Variants in LRFN2 observed in about 807,000 individuals in gnomAD.
LRFN2 encodes leucine rich repeat and fibronectin type III domain containing 2, also known as leucine-rich repeat and fibronectin type-III domain-containing protein 2.
LRFN2 carries 18 observed loss-of-function variants against 37.3 expected under a neutral mutation model. That is an observed-to-expected ratio of 0.48 (90% CI 0.33 to 0.72). The LOEUF is 0.72. LRFN2 is among the 30% of genes least tolerant of loss of function. LRFN2 has a pLI of 0.02. For missense variants in LRFN2, 1,006 were observed against 1,060.7 expected, an observed-to-expected ratio of 0.95 and a Z score of 0.72; for synonymous variants, 556 against 466.6, an observed-to-expected ratio of 1.19 and a Z score of -2.47.
At chr6:40,452,896 G>A (rs989342467) in intron 1 of LRFN2, among the ~76,000 whole-genome samples, 1 of 152,202 alleles carries the variant, frequency 6.6e-6, no homozygotes, top group Admixed American at 6.5e-5. Flanking sequence ...ATATACACAA[G>A]GAACCTTAGA....
At chr6:40,584,748 G>A (rs1428288757) in intron 1 of LRFN2, among the ~76,000 whole-genome samples, 1 of 151,854 alleles carries the variant, frequency 6.6e-6, no homozygotes, top group African/African-American at 2.4e-5. Context: ...AAAAAGGAGA[G>A]CAGAACCTGC....
rs1554144906 is a variant in LRFN2, at chr6:40,562,831, T to TCTCACACA, written c.-19+24109_-19+24110insTGTGTGAG. Among the ~76,000 whole-genome samples, 185 of 144,148 alleles carry TCTCACACA rather than the reference T, an allele frequency of 1.3e-3. 1 individual carries two copies. The highest frequency in any genetic ancestry group is 4.5e-3 in the African/African-American group (171 of 37,642). The allele number at this position is 144,148 out of a possible 152,430, so 94.6% of individuals were successfully genotyped here. ...TGTGAGCGTGCTTATGTGCGTGCACTCACTCACACACACACACACACACAC... is the reference window on the plus strand; with the variant it reads ...TGTGAGCGTGCTTATGTGCGTGCACTCTCACACACACTCACACACACACACACACACAC... On this transcript the variant is annotated intron_variant, in intron 1 of 2. Transcript: ENST00000338305.
chr6:40,571,190 G>A, intron 1 of LRFN2, among the ~76,000 whole-genome samples: 1 of 152,218 alleles, frequency 6.6e-6, no homozygotes, highest in East Asian at 1.9e-4. Context: ...CTTGAAGGCA[G>A]AAACTAAGTC....
chr6:40,511,201 A>G (rs1765700189), intron 1 of LRFN2, among the ~76,000 whole-genome samples: 1 of 152,170 alleles, frequency 6.6e-6, no homozygotes. Flanking sequence ...TGGGTCACCT[A>G]CTGAGGAACT....
chr6:40,418,941 C>G (rs1347673902), intron 2 of LRFN2, among the ~76,000 whole-genome samples: 1 of 152,190 alleles, frequency 6.6e-6, no homozygotes, highest in Non-Finnish European at 1.5e-5. Context: ...CAGTGATTCT[C>G]AAAGTAAAGT....
chr6:40,559,660 C>G (rs561429974), intron 1 of LRFN2, among the ~76,000 whole-genome samples: 2 of 152,230 alleles, frequency 1.3e-5, no homozygotes, highest in South Asian at 4.2e-4. Flanking sequence ...TGGCTAGGAC[C>G]AGAGTCCCTA....
intron 1 of LRFN2, among the ~76,000 whole-genome samples, chr6:40,516,099 T>G (rs1170696137): frequency 2.0e-5 from 3 of 151,996 alleles, no homozygotes; most frequent in Non-Finnish European, 4.4e-5. Flanking sequence ...CATCCATTTG[T>G]GTTTTCTGGG....
At chr6:40,573,041 AGGACT>A (rs1767214656) in intron 1 of LRFN2, among the ~76,000 whole-genome samples, 1 of 152,212 alleles carries the variant, frequency 6.6e-6, no homozygotes, top group South Asian at 2.1e-4. Flanking sequence ...AGAACTGAAA[AGGACT>A]GGAGGCATCC....
chr6:40,442,185 T>C (rs575299353), intron 1 of LRFN2, among the ~76,000 whole-genome samples: 96 of 152,292 alleles, frequency 6.3e-4, no homozygotes, highest in Admixed American at 1.8e-3. Flanking sequence ...CAGGGTCTTC[T>C]CTAGGAAGGG....
At chr6:40,479,942 C>T (rs1206222618) in intron 1 of LRFN2, among the ~76,000 whole-genome samples, 1 of 152,242 alleles carries the variant, frequency 6.6e-6, no homozygotes, top group Non-Finnish European at 1.5e-5. Flanking sequence ...CTAAGGCCTA[C>T]TTCTAGGAAA....
chr6:40,463,807 G>GCTGAGACTACAGGCATGCACCACCGTGCC (rs1764400001), intron 1 of LRFN2, among the ~76,000 whole-genome samples: 2 of 150,614 alleles, frequency 1.3e-5, no homozygotes, highest in Admixed American at 1.3e-4. Context: ...TTCACAAGTA[G>GCTGAGACTACAGGCATGCACCACCGTGCC]CTGAGACTAC....
intron 2 of LRFN2, among the ~76,000 whole-genome samples, chr6:40,409,072 C>T (rs911175195): frequency 2.6e-5 from 4 of 152,210 alleles, no homozygotes; most frequent in Non-Finnish European, 5.9e-5. Flanking sequence ...CTTCTTCATC[C>T]TATCATCCAG....
chr6:40,550,965 A>T (rs1343522167), intron 1 of LRFN2, among the ~76,000 whole-genome samples: 1 of 152,208 alleles, frequency 6.6e-6, no homozygotes, highest in Non-Finnish European at 1.5e-5. Context: ...TTGGCAGCCA[A>T]AGAGGTGGAC....
At chr6:40,495,013 C>T (rs1027557139) in intron 1 of LRFN2, among the ~76,000 whole-genome samples, 4 of 152,214 alleles carry the variant, frequency 2.6e-5, no homozygotes, top group Middle Eastern at 3.2e-3. Context: ...TGCTTGGCAC[C>T]TGCATCCATC....
chr6:40,477,753 G>A lies in LRFN2; in HGVS notation c.-18-44622C>T, dbSNP rs541275344. Among the ~76,000 whole-genome samples, 6 of 152,260 alleles carry A rather than the reference G, an allele frequency of 3.9e-5. No homozygotes were observed. The South Asian group carries it at 1.2e-3, about 32-fold the overall frequency. ...GGAAAGAGACCCCAGCTGGAAGCGC[G>A]TTCTCCCCTCCCTGCTCCTTCCAGA... is the stretch of plus-strand genomic sequence containing the variant. On this transcript the variant is annotated intron_variant, in intron 1 of 2. Transcript: ENST00000338305.
intron 1 of LRFN2, among the ~76,000 whole-genome samples, chr6:40,510,955 T>C (rs1765689639): frequency 6.6e-6 from 1 of 152,152 alleles, no homozygotes. Flanking sequence ...AGCCAGAATG[T>C]GCTCAGAAAT....
intron 1 of LRFN2, among the ~76,000 whole-genome samples, chr6:40,435,138 TTA>T (rs1207663402): frequency 1.7e-5 from 2 of 116,852 alleles, no homozygotes; most frequent in African/African-American, 3.4e-5. Context: ...ATTATGTATT[TTA>T]TATATATATA....
intron 1 of LRFN2, among the ~76,000 whole-genome samples, chr6:40,552,099 G>T (rs182815642): frequency 6.6e-6 from 1 of 152,120 alleles, no homozygotes; most frequent in Non-Finnish European, 1.5e-5. Flanking sequence ...CTCTAACACC[G>T]TGGTTCTCAA....
At chr6:40,462,471 G>T (rs768192273) in intron 1 of LRFN2, among the ~76,000 whole-genome samples, 119 of 152,112 alleles carry the variant, frequency 7.8e-4, no homozygotes, top group Middle Eastern at 3.4e-3. Context: ...CCTTCCCTAA[G>T]TCCTCTCTGT....
Sources: allele counts gnomAD v4.1 joint callset (sites outside exome capture counted in the v4.1 genomes callset), GRCh38; gene constraint gnomAD v4.1.1; transcripts MANE v1.5; gene names NCBI Gene and HGNC (gene_info 2026-07-23, HGNC 2026-07-21).